PIAS2: variants seen among roughly 807,000 people sequenced by gnomAD.
The protein encoded by PIAS2 is E3 SUMO-protein ligase PIAS2.
PIAS2 carries 19 observed loss-of-function variants against 69.7 expected under a neutral mutation model. The observed-to-expected ratio is 0.27, with a 90% CI of 0.19 to 0.40. The LOEUF is 0.40. PIAS2 is among the 10% of genes least tolerant of loss of function. The probability of loss-of-function intolerance (pLI) is 1.00; values close to 1 mark genes in which losing one functional copy is unlikely to be tolerated. For synonymous variants in PIAS2, 261 were observed against 263.2 expected (o/e 0.99, Z 0.08); for missense variants, 624 against 757.0 (o/e 0.82, Z 2.06).
At chr18:46,847,119 G>A (rs1194737136) in intron 5 of PIAS2, among the ~76,000 whole-genome samples, 1 of 152,118 alleles carries the variant, frequency 6.6e-6, no homozygotes, top group Non-Finnish European at 1.5e-5. Flanking sequence ...GGCTATGAAT[G>A]GTTTTCCTTT....
At chr18:46,831,426 G>A (rs1202551971) in intron 9 of PIAS2, among the ~76,000 whole-genome samples, 1 of 152,118 alleles carries the variant, frequency 6.6e-6, no homozygotes, top group East Asian at 1.9e-4. Flanking sequence ...TGTCACCACA[G>A]ACTTATCTAC....
intron 1 of PIAS2, among the ~76,000 whole-genome samples, chr18:46,902,332 AG>A (rs1284386918): frequency 6.6e-6 from 1 of 152,030 alleles, no homozygotes; most frequent in African/African-American, 2.4e-5. Context: ...TGAGGTGGGC[AG>A]ATCACCTGAG....
intron 8 of PIAS2, among the ~76,000 whole-genome samples, chr18:46,838,296 A>G (rs1480488848): frequency 6.6e-6 from 1 of 152,238 alleles, no homozygotes; most frequent in East Asian, 1.9e-4. Context: ...TCACAATTAC[A>G]TAACAATTAT....
chr18:46,878,347 T>A (rs2051596516), intron 2 of PIAS2, among the ~76,000 whole-genome samples: 1 of 152,234 alleles, frequency 6.6e-6, no homozygotes, highest in African/African-American at 2.4e-5. Context: ...CTATGCTTTT[T>A]AAGATACCAA....
rs772548836 is a variant in PIAS2, at chr18:46,916,855, A to G, written c.24+467T>C. On this transcript the variant is annotated intron_variant, in intron 1 of 13. Transcript: ENST00000585916. Reference sequence around the variant, plus strand: ...TGACTAAACGGTAGCATCAGCCATAAGAAGAGGAGAGATTCCTAAACGCAA... The same window carrying G: ...TGACTAAACGGTAGCATCAGCCATAGGAAGAGGAGAGATTCCTAAACGCAA... The G allele has an allele frequency of 6.7e-5, 66 of 985,382 alleles. 1 individual carries two copies. Among genetic ancestry groups the G allele is most frequent in the Non-Finnish European group, 7.6e-5 (63 of 829,988 alleles). The allele number at this position is 985,382 out of a possible 1,614,324, so 61.0% of individuals were successfully genotyped here. A position where few individuals can be genotyped will look rare whatever the true frequency, so the allele number is the denominator to read the frequency against.
chr18:46,817,464 T>G (rs1481448122), intron 12 of PIAS2: 1 of 958,030 alleles, frequency 1.0e-6, no homozygotes, highest in African/African-American at 1.8e-5. Flanking sequence ...GATCCTATTT[T>G]TGTTATTTCA....
chr18:46,880,704 A>G (rs762511394), intron 2 of PIAS2, among the ~76,000 whole-genome samples: 10 of 152,240 alleles, frequency 6.6e-5, no homozygotes, highest in Non-Finnish European at 1.3e-4. Flanking sequence ...CACACACAAA[A>G]AGAACATTCT....
intron 5 of PIAS2, among the ~76,000 whole-genome samples, chr18:46,851,744 T>C (rs181174307): frequency 6.6e-6 from 1 of 152,352 alleles, no homozygotes; most frequent in African/African-American, 2.4e-5. Flanking sequence ...TAGGGACACG[T>C]TGCCATTTTC....
At chr18:46,872,603 C>T (rs888021056) in intron 2 of PIAS2, among the ~76,000 whole-genome samples, 4 of 152,086 alleles carry the variant, frequency 2.6e-5, no homozygotes, top group South Asian at 4.1e-4. Flanking sequence ...GAAGGGGTTA[C>T]GAGTTTCAAA....
rs1568538770 is a variant in PIAS2 at position 46,855,454 on chromosome 18, A to G, written c.636-19T>C. 1 of 1,598,452 alleles carries G rather than the reference A, an allele frequency of 6.3e-7. No individual in the cohort carries two copies. Among genetic ancestry groups the G allele is most frequent in the Admixed American group, 1.7e-5 (1 of 58,986 alleles). On this transcript the variant is annotated intron_variant, in intron 4 of 13. Transcript: ENST00000585916. ...GCAAAGTCTGCATTAATAAAAGAAA[A>G]AAGTATTCTTAAATAGTGTGCTCAA... is the stretch of plus-strand genomic sequence containing the variant.
At chr18:46,818,511 TTTG>T in intron 12 of PIAS2, 1 of 1,402,280 alleles carries the variant, frequency 7.1e-7, no homozygotes, top group East Asian at 2.6e-5. Flanking sequence ...GTATTAAAAC[TTTG>T]TTATCTCTCC....
At chr18:46,836,675 A>C (rs2044486242) in intron 8 of PIAS2, among the ~76,000 whole-genome samples, 158 bp from the exon 9 acceptor site, 1 of 152,204 alleles carries the variant, frequency 6.6e-6, no homozygotes, top group Admixed American at 6.5e-5. Flanking sequence ...ATTACAATAT[A>C]TTTTTATTCA....
At position 46,811,830 on chromosome 18, in the gene PIAS2, C is replaced by G. The variant is rs75241378; in HGVS notation, c.*603G>C. On this transcript the variant is annotated 3_prime_UTR_variant, in exon 14 of 14. Transcript: ENST00000585916. The stretch of plus-strand genomic sequence containing the variant: ...TAAGCAGGAAAAAAACCAAGTAACA[C>G]GAATGCCATTTTTCTTTGATGCAAT... The G allele has an allele frequency of 6.6e-6, 1 of 152,122 alleles. No individual in the cohort carries two copies. The highest frequency in any genetic ancestry group is 2.4e-5 in the African/African-American group (1 of 41,404). The allele number at this position is 152,122 out of a possible 1,614,324, so 9.4% of individuals were successfully genotyped here. A position where few individuals can be genotyped will look rare whatever the true frequency, so the allele number is the denominator to read the frequency against.
chr18:46,893,115 C>G (rs1389663826), intron 1 of PIAS2, among the ~76,000 whole-genome samples: 1 of 152,104 alleles, frequency 6.6e-6, no homozygotes, highest in African/African-American at 2.4e-5. Flanking sequence ...AACAAGAAAA[C>G]TTTTGGCCTA....
rs183775010 is a variant in PIAS2, at chr18:46,909,670, A to G, written c.24+7652T>C. 3.0e-4 allele frequency among the ~76,000 whole-genome samples: 45 copies of G among 152,370 alleles called. No homozygotes were observed. In the East Asian group the frequency reaches 8.3e-3, roughly 28 times the overall value. On this transcript the variant is annotated intron_variant, in intron 1 of 13. Transcript: ENST00000585916. ...CTTTTTTGGAAGATAATCTGACATT[A>G]TCCAATATTGGTGAATATGCACACA...
chr18:46,829,724 C>A lies in PIAS2; in HGVS notation c.1336+10G>T, dbSNP rs2043322626. On this transcript the variant is annotated intron_variant, in intron 10 of 13. Coordinates refer to ENST00000585916, the MANE Select transcript of PIAS2 (RefSeq NM_004671.5). ...CACTGCTTTACTCTCTGCTGCTATT[C>A]TACACATACTTTCTATTTTTGTACA... The A allele has an allele frequency of 6.2e-7, 1 of 1,610,724 alleles. No homozygotes were observed. The highest frequency in any genetic ancestry group is 8.5e-7 in the Non-Finnish European group (1 of 1,178,468).
chr18:46,823,657 C>T (rs556528728), intron 11 of PIAS2, among the ~76,000 whole-genome samples: 18 of 152,260 alleles, frequency 1.2e-4, no homozygotes, highest in African/African-American at 4.3e-4. Flanking sequence ...AATCCAATGG[C>T]GGTACAAATT....
chr18:46,827,968 G>A lies in PIAS2; in HGVS notation c.1499C>T (p.Pro500Leu), dbSNP rs1394706449. 3 of 1,613,536 alleles carry A rather than the reference G, an allele frequency of 1.9e-6. No homozygotes were observed. The highest frequency in any genetic ancestry group is 2.5e-6 in the Non-Finnish European group (3 of 1,179,712). The stretch of plus-strand genomic sequence containing the variant: ...CTATAAATTAACAAACCCTTTGGTT[G>A]GGCTGCTTTGTGTTTCTGACATAAA... ...CIFMSETQSS[P>L]TKGVLMYQPS... is the part of the protein sequence containing the mutation. The change falls in exon 11 of 14, where the codon CCA (proline) becomes CTA (leucine). Residue 500 changes from proline (P) to leucine (L), a missense_variant. Physicochemically the swap from Pro to Leu is moderately conservative, Grantham distance 98. Coordinates refer to ENST00000585916, the MANE Select transcript of PIAS2 (RefSeq NM_004671.5).
At position 46,829,820 on chromosome 18, in the gene PIAS2, T is replaced by G. The variant is rs753375333; in HGVS notation, c.1250A>C (p.Lys417Thr). The G allele has an allele frequency of 3.7e-6, 6 of 1,613,472 alleles. No homozygotes were observed. The highest frequency in any genetic ancestry group is 4.2e-6 in the Non-Finnish European group (5 of 1,179,462). ...LNDCSDVDEI[K>T]FQEDGSWCPM... ...ACACCAAGAACCATCTTCTTGGAATTTGATCTCATCTACATCAGAACAGTC... is the reference window on the plus strand; with the variant it reads ...ACACCAAGAACCATCTTCTTGGAATGTGATCTCATCTACATCAGAACAGTC... The change falls in exon 10 of 14, where the codon AAA becomes ACA. Residue 417 changes from lysine to threonine, a missense_variant. Transcript: ENST00000585916.
Sources: gnomAD v4.1 joint callset for allele counts (sites outside exome capture counted in the v4.1 genomes callset) on GRCh38, gnomAD v4.1.1 for gene constraint, MANE v1.5 for transcripts, NCBI Gene and HGNC (gene_info 2026-07-23, HGNC 2026-07-21) for gene names.